The following SPON1 variants were observed in gnomAD, a reference collection of about 807,000 sequenced individuals.
SPON1 encodes spondin-1.
A neutral mutation model predicts 111.7 loss-of-function variants in SPON1; 52 were observed. The observed-to-expected ratio is 0.47, with a 90% CI of 0.37 to 0.59. SPON1 has a LOEUF of 0.59. Ranked by LOEUF, SPON1 falls within the 20% of genes least tolerant of loss-of-function variation. The probability of loss-of-function intolerance (pLI) is 0.00; values close to 1 mark genes in which losing one functional copy is unlikely to be tolerated. For missense variants in SPON1, 957 were observed against 1,068.5 expected (o/e 0.90, Z 1.46); for synonymous variants, 410 against 395.8 (o/e 1.04, Z -0.43).
At chr11:14,187,907 G>A (rs1224796380) in intron 6 of SPON1, among the ~76,000 whole-genome samples, 1 of 152,066 alleles carries the variant, frequency 6.6e-6, no homozygotes, top group African/African-American at 2.4e-5. Context: ...TCAGCCTCCT[G>A]AGTAGCTGGG....
intron 5 of SPON1, among the ~76,000 whole-genome samples, chr11:14,095,859 C>T (rs2133840969): frequency 6.6e-6 from 1 of 152,286 alleles, no homozygotes; most frequent in South Asian, 2.1e-4. Context: ...TAAAATGAAC[C>T]ATCACAAACA....
chr11:14,137,862 C>T (rs1591385903), intron 6 of SPON1, among the ~76,000 whole-genome samples: 1 of 152,254 alleles, frequency 6.6e-6, no homozygotes, highest in Middle Eastern at 3.4e-3. Flanking sequence ...CTAACAGTGC[C>T]TCAGGTTCCC....
chr11:14,150,964 T>TA (rs1435751884), intron 6 of SPON1, among the ~76,000 whole-genome samples: 6 of 152,184 alleles, frequency 3.9e-5, no homozygotes, highest in African/African-American at 1.4e-4. Context: ...TTTTTGTTGT[T>TA]ACGTTCTCTG....
intron 1 of SPON1, among the ~76,000 whole-genome samples, chr11:13,967,962 A>G (rs57227980): frequency 6.6e-6 from 1 of 152,210 alleles, no homozygotes; most frequent in Non-Finnish European, 1.5e-5. Context: ...TCAAAATGGA[A>G]TTTTTCAAGG....
chr11:14,168,537 T>A (rs1848058673), intron 6 of SPON1, among the ~76,000 whole-genome samples: 1 of 152,164 alleles, frequency 6.6e-6, no homozygotes, highest in Non-Finnish European at 1.5e-5. Flanking sequence ...AGTTTTAGGG[T>A]ACATGTGCAC....
In SPON1 at chr11:14,113,568, ATTTTTTT is replaced by A. The variant is rs782780924; in HGVS notation, c.677-21806_677-21800del. On this transcript the variant is annotated intron_variant, in intron 5 of 15. Coordinates refer to ENST00000576479, the MANE Select transcript of SPON1 (RefSeq NM_006108.4). ...AAGTCACCTCCTATGTACTTTTTAA[ATTTTTTT>A]TTTTTTTTTTTTTTTTTTTTTTTTT... Among the ~76,000 whole-genome samples, 9 of 74,750 alleles carry A rather than the reference ATTTTTTT, an allele frequency of 1.2e-4. 1 individual carries two copies. Among genetic ancestry groups the A allele is most frequent in the African/African-American group, 4.3e-4 (8 of 18,792 alleles). The allele number at this position is 74,750 out of a possible 152,430, so 49.0% of individuals were successfully genotyped here. A position where few individuals can be genotyped will look rare whatever the true frequency, so the allele number is the denominator to read the frequency against.
At chr11:14,260,198 G>A (rs1554941763) in intron 13 of SPON1, among the ~76,000 whole-genome samples, 1 of 152,144 alleles carries the variant, frequency 6.6e-6, no homozygotes, top group African/African-American at 2.4e-5. Flanking sequence ...CACATTCTAG[G>A]GAATTCAGGA....
At chr11:14,251,809 C>T (rs1554940688) in intron 7 of SPON1, among the ~76,000 whole-genome samples, 1 of 152,194 alleles carries the variant, frequency 6.6e-6, no homozygotes. Flanking sequence ...TAATGCCACA[C>T]CTCCATAGAC....
At position 14,119,365 on chromosome 11, in the gene SPON1, G is replaced by A. The variant is rs149559900; in HGVS notation, c.677-16055G>A. 5.0e-3 allele frequency among the ~76,000 whole-genome samples: 762 copies of A among 152,282 alleles called. 6 individuals carry two copies. The highest frequency in any genetic ancestry group is 0.017 in the African/African-American group (712 of 41,554). ...TGGCATCAGCGTACCTCTGAGAGGT[G>A]TATAGAATGAGTCCAGAATTGTCCA... is the stretch of plus-strand genomic sequence containing the variant. On this transcript the variant is annotated intron_variant, in intron 5 of 15. Coordinates refer to ENST00000576479, the MANE Select transcript of SPON1 (RefSeq NM_006108.4).
chr11:14,201,437 C>A lies in SPON1; in HGVS notation c.826-41895C>A, dbSNP rs569071363. Among the ~76,000 whole-genome samples the A allele has an allele frequency of 4.0e-5, 6 of 151,212 alleles. No individual in the cohort carries two copies. In the East Asian group the frequency reaches 1.2e-3, roughly 29 times the overall value. ...TTTTTGAGACAAAGTCTTGCTCTAT[C>A]ACCCAGGCTGGAGTGCAGTGGCACA... is the stretch of plus-strand genomic sequence containing the variant. On this transcript the variant is annotated intron_variant, in intron 6 of 15. Coordinates refer to ENST00000576479, the MANE Select transcript of SPON1 (RefSeq NM_006108.4).
In SPON1 at chr11:14,219,356, C is replaced by T. The variant is rs74806105; in HGVS notation, c.826-23976C>T. Among the ~76,000 whole-genome samples the T allele has an allele frequency of 2.1e-3, 313 of 152,294 alleles. 13 individuals are homozygous for T. In the East Asian group the frequency reaches 0.05, roughly 24 times the overall value. On this transcript the variant is annotated intron_variant, in intron 6 of 15. Transcript: ENST00000576479. ...GAAAAAGTTATCCTAGTTTCAGTCT[C>T]TCTTTAAATCAAAGTGTAGACAGTA...
At chr11:14,113,829 CT>C (rs370625741) in intron 5 of SPON1, among the ~76,000 whole-genome samples, 380 of 151,794 alleles carry the variant, frequency 2.5e-3, no homozygotes, top group Non-Finnish European at 4.2e-3. Flanking sequence ...TGGTCTCGAT[CT>C]CCTGACCTCG....
At chr11:14,139,830 T>A (rs1361525505) in intron 6 of SPON1, among the ~76,000 whole-genome samples, 6 of 151,862 alleles carry the variant, frequency 4.0e-5, no homozygotes, top group African/African-American at 1.5e-4. Flanking sequence ...CCCTAACAAA[T>A]GACCATGAAG....
intron 2 of SPON1, among the ~76,000 whole-genome samples, chr11:14,006,392 T>C (rs1236021994): frequency 6.6e-6 from 1 of 152,116 alleles, no homozygotes; most frequent in Non-Finnish European, 1.5e-5. Flanking sequence ...CTCTCATCAA[T>C]ATGGAAGAGC....
intron 5 of SPON1, among the ~76,000 whole-genome samples, chr11:14,123,515 T>C (rs972120865): frequency 6.6e-6 from 1 of 152,170 alleles, no homozygotes; most frequent in African/African-American, 2.4e-5. Flanking sequence ...GTAGATATTT[T>C]ATATCTCTAG....
intron 6 of SPON1, among the ~76,000 whole-genome samples, chr11:14,157,258 T>C (rs1847859188): frequency 6.6e-6 from 1 of 152,170 alleles, no homozygotes; most frequent in African/African-American, 2.4e-5. Flanking sequence ...GAATTCTCAG[T>C]TCTTATTTAT....
chr11:14,102,058 T>C (rs900574250), intron 5 of SPON1, among the ~76,000 whole-genome samples: 1 of 152,234 alleles, frequency 6.6e-6, no homozygotes, highest in Admixed American at 6.5e-5. Flanking sequence ...AATACTTCAG[T>C]GTGTATTTCC....
chr11:14,099,029 T>C (rs1355091426), intron 5 of SPON1, among the ~76,000 whole-genome samples: 1 of 152,180 alleles, frequency 6.6e-6, no homozygotes, highest in Non-Finnish European at 1.5e-5. Context: ...TATTCATAAT[T>C]GAGACTTTAA....
intron 6 of SPON1, among the ~76,000 whole-genome samples, chr11:14,173,896 C>A (rs1554932809): frequency 6.8e-6 from 1 of 146,854 alleles, no homozygotes; most frequent in South Asian, 2.1e-4. Flanking sequence ...TGTCAGTTCA[C>A]CCCGTAGGGG....
Sources: allele counts gnomAD v4.1 joint callset (sites outside exome capture counted in the v4.1 genomes callset), GRCh38; gene constraint gnomAD v4.1.1; transcripts MANE v1.5; gene names NCBI Gene and HGNC (gene_info 2026-07-23, HGNC 2026-07-21).